Variants in CTNS observed in about 807,000 individuals in gnomAD.
CTNS encodes cystinosin.
A neutral mutation model predicts 43.7 loss-of-function variants in CTNS; 27 were observed. The ratio of observed to expected loss-of-function variants is 0.62; its 90% confidence interval spans 0.46 to 0.85. The LOEUF (loss-of-function observed/expected upper bound fraction) is 0.85, where lower values mean the gene tolerates loss of function less well. CTNS is among the 40% of genes least tolerant of loss of function. The pLI, the probability that CTNS is intolerant of heterozygous loss-of-function variation, is 0.00. For missense variants in CTNS, 457 were observed against 475.4 expected (o/e 0.96, Z 0.36); for synonymous variants, 187 against 190.6 (o/e 0.98, Z 0.16).
At chr17:3,650,029 A>G (rs1226600698) in intron 5 of CTNS, 1 of 1,312,870 alleles carries the variant, frequency 7.6e-7, no homozygotes, top group Non-Finnish European at 1.0e-6. Context: ...CGTTCGTAAC[A>G]ACAACAAAAA....
intron 5 of CTNS, chr17:3,650,100 T>C: frequency 6.6e-7 from 1 of 1,514,758 alleles, no homozygotes; most frequent in Non-Finnish European, 8.9e-7. Context: ...TCACAATGTA[T>C]GCATACATCA....
intron 2 of CTNS, among the ~76,000 whole-genome samples, chr17:3,638,340 C>T (rs904781833): frequency 6.6e-6 from 1 of 151,920 alleles, no homozygotes; most frequent in East Asian, 1.9e-4. Flanking sequence ...CGGGTTCAAG[C>T]GATTCTCCTG....
At position 3,656,368 on chromosome 17, in the gene CTNS, CGCCAG is replaced by C; in HGVS notation, c.462-118_462-114del. On this transcript the variant is annotated intron_variant, in intron 7 of 11. Coordinates refer to ENST00000046640, the MANE Select transcript of CTNS (RefSeq NM_004937.3). ...CCACCCTGCCCTGCCCCTCCACCCC[CGCCAG>C]TCCTCACCCTCTGCCCTGCCCCTCC... 2 of 7,924 alleles carry C rather than the reference CGCCAG, an allele frequency of 2.5e-4. 1 individual carries two copies. The highest frequency in any genetic ancestry group is 5.2e-4 in the Non-Finnish European group (2 of 3,846). 0.5% of individuals were successfully genotyped at this position (7,924 alleles called of 1,614,324 possible). A position where few individuals can be genotyped will look rare whatever the true frequency, so the allele number is the denominator to read the frequency against.
chr17:3,660,028 G>A, intron 11 of CTNS, 53 bp downstream of exon 11: 12 of 1,532,160 alleles, frequency 7.8e-6, no homozygotes, highest in Non-Finnish European at 1.1e-5. Context: ...ATCGGGCGGG[G>A]CCAGCCTTCC....
chr17:3,644,781 G>A (rs1157347666), intron 3 of CTNS, among the ~76,000 whole-genome samples: 1 of 152,018 alleles, frequency 6.6e-6, no homozygotes. Flanking sequence ...TTGTCTTTTT[G>A]GTAGAGATGG....
At chr17:3,655,664 TCCGAC>T (rs1381283453) in intron 7 of CTNS, 1 of 409,070 alleles carries the variant, frequency 2.4e-6, no homozygotes, top group African/African-American at 2.1e-5. Context: ...GCTGGGTCCA[TCCGAC>T]CCTGGAGGAT....
At position 3,637,348 on chromosome 17, in the gene CTNS, C is replaced by G. The variant is rs1220917461; in HGVS notation, c.-20+32C>G. 3 of 85,290 alleles carry G rather than the reference C, an allele frequency of 3.5e-5. No homozygotes were observed. The East Asian group carries it at 1.0e-3, about 30-fold the overall frequency. 5.3% of individuals were successfully genotyped at this position (85,290 alleles called of 1,614,324 possible). ...ACTTTATATCCTTGTTTCTCAACCT[C>G]GTTATTCCTACCTACCCCCTTCCCA... is the stretch of plus-strand genomic sequence containing the variant. On this transcript the variant is annotated intron_variant, in intron 2 of 11. Coordinates refer to ENST00000046640, the MANE Select transcript of CTNS (RefSeq NM_004937.3).
chr17:3,650,274 C>T (rs200504623), intron 5 of CTNS: 35 of 1,550,328 alleles, frequency 2.3e-5, no homozygotes, highest in Middle Eastern at 3.4e-4. Flanking sequence ...AGGAAGCAAA[C>T]AGGAGTGAAA....
At chr17:3,652,893 A>G (rs910925690) in intron 5 of CTNS, among the ~76,000 whole-genome samples, 1 of 152,206 alleles carries the variant, frequency 6.6e-6, no homozygotes, top group African/African-American at 2.4e-5. Flanking sequence ...CAGCCGCTAT[A>G]CCATTTCAGT....
Position 3,655,231 on chromosome 17 carries a change from C to G in CTNS, c.340C>G (p.Arg114Gly). The change falls in exon 7 of 12, where the codon CGC becomes GGC. Residue 114 changes from arginine (R) to glycine (G), a missense_variant. By Grantham distance (125) the Arg-to-Gly change is moderately radical. Transcript: ENST00000046640. ...NHSNQTGPRI[R>G]FLVIRSSAIS... ...CAAACTCCTTTCCAGCCCGAGGATA[C>G]GCTTTCTTGTGATCCGCAGCAGCGC... is the stretch of plus-strand genomic sequence containing the variant. The G allele has an allele frequency of 6.2e-7, 1 of 1,614,188 alleles. No homozygotes were observed. Among genetic ancestry groups the G allele is most frequent in the East Asian group, 2.2e-5 (1 of 44,876 alleles).
intron 5 of CTNS, chr17:3,650,303 T>C: frequency 6.5e-7 from 1 of 1,549,564 alleles, no homozygotes; most frequent in Non-Finnish European, 8.7e-7. Context: ...GTCTCCAGCA[T>C]GTGGGAACCT....
chr17:3,655,363 G>C lies in CTNS; in HGVS notation c.461+11G>C, dbSNP rs1254951399. ...TTGGAGGCGGAAAAGGTAACCCCCT[G>C]GGCCGTATGTGCAGGCTCTCTCGGG... On this transcript the variant is annotated intron_variant, in intron 7 of 11. Transcript: ENST00000046640. 1.2e-6 allele frequency: 2 copies of C among 1,613,650 alleles called. No homozygotes were observed. Among genetic ancestry groups the C allele is most frequent in the Admixed American group, 1.7e-5 (1 of 60,002 alleles).
chr17:3,660,105 C>T (rs1359066897), intron 11 of CTNS, 130 bp downstream of exon 11: 10 of 1,459,498 alleles, frequency 6.9e-6, no homozygotes, highest in Admixed American at 3.4e-5. Context: ...CAAGGAGAGA[C>T]CCACCTAGGG....
chr17:3,653,178 G>A (rs1214709060), intron 5 of CTNS, among the ~76,000 whole-genome samples: 1 of 152,118 alleles, frequency 6.6e-6, no homozygotes, highest in Non-Finnish European at 1.5e-5. Context: ...TTGGGAGGCC[G>A]AAGCGGGTGG....
chr17:3,648,555 G>A (rs981102605), intron 4 of CTNS, among the ~76,000 whole-genome samples: 1 of 152,196 alleles, frequency 6.6e-6, no homozygotes, highest in Admixed American at 6.5e-5. Flanking sequence ...CTTTCCCACC[G>A]GAGCAGGGAG....
intron 3 of CTNS, among the ~76,000 whole-genome samples, chr17:3,643,118 T>C (rs1299217699): frequency 6.6e-6 from 1 of 151,762 alleles, no homozygotes; most frequent in Non-Finnish European, 1.5e-5. Flanking sequence ...ATCGAGACTA[T>C]CCTGGCTAAC....
rs558637146 is a variant in CTNS, at chr17:3,661,735, C to G, written c.*1366C>G. 1.0e-3 allele frequency among the ~76,000 whole-genome samples: 152 copies of G among 152,236 alleles called. No individual in the cohort carries two copies. Among genetic ancestry groups the G allele is most frequent in the Non-Finnish European group, 1.9e-3 (127 of 68,046 alleles). On this transcript the variant is annotated 3_prime_UTR_variant, in exon 12 of 12. Transcript: ENST00000046640. ...CCCGCCCAGGGCCAGGTCAGTCTCCCAGGCTCCGTGTCTTCACGGTTACCA... is the reference window on the plus strand; with the variant it reads ...CCCGCCCAGGGCCAGGTCAGTCTCCGAGGCTCCGTGTCTTCACGGTTACCA...
rs1314998853 is a variant in CTNS at position 3,658,156 on chromosome 17, T to C, written c.833T>C (p.Leu278Pro). ...CFSYIKLAVT[L>P]VKYFPQAYMN... ...TCCTACATCAAGCTCGCAGTCACGC[T>C]GGTCAAGTATTTTCCACAGGTACCT... Residue 278 changes from leucine to proline, a missense_variant, in exon 10 of 12, where the codon CTG becomes CCG. Physicochemically the swap from Leu to Pro is moderately conservative, Grantham distance 98. Coordinates refer to ENST00000046640, the MANE Select transcript of CTNS (RefSeq NM_004937.3). 34 of 1,611,920 alleles carry C rather than the reference T, an allele frequency of 2.1e-5. No individual in the cohort carries two copies. In the Admixed American group the frequency reaches 4.8e-4, roughly 23 times the overall value.
At chr17:3,650,433 G>A (rs2075952987) in intron 5 of CTNS, 1 of 1,363,150 alleles carries the variant, frequency 7.3e-7, no homozygotes. Flanking sequence ...AGTGAGCCAT[G>A]ACTGTACCAC....
Sources: gnomAD v4.1 joint callset for allele counts (sites outside exome capture counted in the v4.1 genomes callset) on GRCh38, gnomAD v4.1.1 for gene constraint, MANE v1.5 for transcripts, NCBI Gene and HGNC (gene_info 2026-07-23, HGNC 2026-07-21) for gene names.